PNPLA2: variants seen among roughly 807,000 people sequenced by gnomAD.
PNPLA2 encodes patatin like domain 2, triacylglycerol lipase.
Under a neutral mutation model 39.7 loss-of-function variants are expected in PNPLA2, and 28 were observed. That is an observed-to-expected ratio of 0.70 (90% confidence interval 0.52 to 0.97). PNPLA2 has a LOEUF of 0.97. Among genes scored for constraint, PNPLA2 ranks in the 50% least tolerant of loss-of-function variants. The pLI is 0.00. For missense variants in PNPLA2, 768 were observed against 698.2 expected (o/e 1.10, Z -1.13); for synonymous variants, 392 against 321.1 (o/e 1.22, Z -2.36).
chr11:823,635 C>G, intron 6 of PNPLA2, 48 bp downstream of exon 6: 1 of 1,601,738 alleles, frequency 6.2e-7, no homozygotes, highest in Non-Finnish European at 8.5e-7. Context: ...GGCTCTGCTA[C>G]CCCCTGCGGG....
Position 819,840 on chromosome 11 carries a change from C to T in PNPLA2, c.122C>T (p.Thr41Met). The T allele has an allele frequency of 4.0e-6, 6 of 1,483,714 alleles. No homozygotes were observed. Among genetic ancestry groups the T allele is most frequent in the South Asian group, 1.3e-5 (1 of 78,350 alleles). 91.9% of individuals were successfully genotyped at this position (1,483,714 alleles called of 1,614,324 possible). A position where few individuals can be genotyped will look rare whatever the true frequency, so the allele number is the denominator to read the frequency against. ...GCGCCCTTCCTGGTGGCCAACGCCA[C>T]GCACATCTACGGCGCCTCGGCCGGG... ...EHAPFLVANA[T>M]HIYGASAGAL... is the part of the protein sequence containing the mutation. The change falls in exon 2 of 10, where the codon ACG (threonine) becomes ATG (methionine). Residue 41 changes from threonine (T) to methionine (M), a missense_variant. Thr to Met is a moderately conservative substitution (Grantham distance 81). Transcript: ENST00000336615.
chr11:824,230 C>G lies in PNPLA2; in HGVS notation c.1053-84C>G, dbSNP rs1352607178. On this transcript the variant is annotated intron_variant, in intron 8 of 9. Coordinates refer to ENST00000336615, the MANE Select transcript of PNPLA2 (RefSeq NM_020376.4). ...GGAAGGTGGGGTGGGGTGAGCAGTG[C>G]CAAGTCAGGGCACAGACAGGGCCCG... The G allele has an allele frequency of 2.6e-6, 4 of 1,547,826 alleles. No homozygotes were observed. In the Admixed American group the frequency reaches 7.8e-5, roughly 30 times the overall value.
In PNPLA2 at chr11:823,860, G is replaced by C. The variant is rs766196245; in HGVS notation, c.919+5G>C. Reference sequence around the variant, plus strand: ...TGCCCGCCCGGCTCAATGAGGGTGCGCACCTGGGGGACGGGAGGGGAGGAG... The same window carrying C: ...TGCCCGCCCGGCTCAATGAGGGTGCCCACCTGGGGGACGGGAGGGGAGGAG... On this transcript the variant is annotated splice_donor_5th_base_variant and intron_variant, in intron 7 of 9. Coordinates refer to ENST00000336615, the MANE Select transcript of PNPLA2 (RefSeq NM_020376.4). The C allele has an allele frequency of 2.0e-5, 31 of 1,579,450 alleles. No homozygotes were observed. Among genetic ancestry groups the C allele is most frequent in the Non-Finnish European group, 2.5e-5 (29 of 1,164,206 alleles).
intron 1 of PNPLA2, 156 bp from the exon 2 acceptor site, chr11:819,418 A>G: frequency 3.1e-6 from 3 of 970,604 alleles, no homozygotes; most frequent in Non-Finnish European, 3.7e-6. Flanking sequence ...GCGGCAGCGG[A>G]GGGCGGGGCT....
chr11:820,994 A>C, intron 2 of PNPLA2: 1 of 160,696 alleles, frequency 6.2e-6, no homozygotes, highest in South Asian at 1.6e-4. Flanking sequence ...TGCTGGCTGA[A>C]GAGCCCCTGG....
In PNPLA2 at chr11:823,848, C is replaced by A. The variant is rs886048710; in HGVS notation, c.912C>A (p.Leu304=). Reference sequence around the variant, plus strand: ...TCCTGGAGCACCTGCCCGCCCGGCTCAATGAGGGTGCGCACCTGGGGGACG... The same window carrying A: ...TCCTGGAGCACCTGCCCGCCCGGCTAAATGAGGGTGCGCACCTGGGGGACG... ...DHILEHLPAR[L]NEALLEACVE... is the part of the protein sequence containing the mutation. The change falls in exon 7 of 10, where the codon CTC becomes CTA. Residue 304 remains leucine (L), a synonymous_variant. Transcript: ENST00000336615. The A allele has an allele frequency of 1.3e-6, 2 of 1,586,760 alleles. No homozygotes were observed. The highest frequency in any genetic ancestry group is 1.7e-6 in the Non-Finnish European group (2 of 1,167,644).
rs749881826 is a variant in PNPLA2 at position 822,505 on chromosome 11, TCCA to T, written c.599_601del (p.Thr200del). 6.2e-7 allele frequency: 1 copy of T among 1,614,090 alleles called. No individual in the cohort carries two copies. Among genetic ancestry groups the T allele is most frequent in the Admixed American group, 1.7e-5 (1 of 60,030 alleles). ...GAGTGACATCTGTCCGCAGGACAGC[TCCA>T]CCAACATCCACGAGCTGCGGGTCAC... On this transcript the variant is annotated inframe_deletion, in exon 5 of 10. Coordinates refer to ENST00000336615, the MANE Select transcript of PNPLA2 (RefSeq NM_020376.4).
chr11:821,486 C>T, intron 2 of PNPLA2, 142 bp from the exon 3 acceptor site: 1 of 706,208 alleles, frequency 1.4e-6, no homozygotes, highest in East Asian at 2.7e-5. Flanking sequence ...TGGCCAAAGT[C>T]CCAACTGTGA....
intron 1 of PNPLA2, 89 bp from the exon 2 acceptor site, chr11:819,485 C>T (rs1172418742): frequency 2.5e-5 from 31 of 1,232,716 alleles, no homozygotes; most frequent in Non-Finnish European, 3.1e-5. Context: ...CGGCCGTTCC[C>T]TGCGCGCCCC....
Position 824,864 on chromosome 11 carries a change from A to T in PNPLA2, c.*2A>T, listed in dbSNP as rs1845835463. On this transcript the variant is annotated 3_prime_UTR_variant, in exon 10 of 10. Coordinates refer to ENST00000336615, the MANE Select transcript of PNPLA2 (RefSeq NM_020376.4). The stretch of plus-strand genomic sequence containing the variant: ...GTGATCGGGGCCCTGGGGCTGTGAG[A>T]CCCCGACCCTCTCGAGGAACCCTGC... 1 of 1,532,654 alleles carries T rather than the reference A, an allele frequency of 6.5e-7. No homozygotes were observed. The highest frequency in any genetic ancestry group is 8.7e-7 in the Non-Finnish European group (1 of 1,144,568). The allele number at this position is 1,532,654 out of a possible 1,614,324, so 94.9% of individuals were successfully genotyped here. A position where few individuals can be genotyped will look rare whatever the true frequency, so the allele number is the denominator to read the frequency against.
intron 6 of PNPLA2, 43 bp from the exon 7 acceptor site, chr11:823,651 G>A (rs747195600): frequency 1.6e-5 from 26 of 1,600,962 alleles, no homozygotes; most frequent in Non-Finnish European, 2.1e-5. Flanking sequence ...GCGGGCCGCG[G>A]CCGCGCTGAT....
Position 819,896 on chromosome 11 carries a change from G to A in PNPLA2, c.178G>A (p.Val60Ile), listed in dbSNP as rs1590173934. The A allele has an allele frequency of 7.1e-7, 1 of 1,408,936 alleles. No homozygotes were observed. Among genetic ancestry groups the A allele is most frequent in the Non-Finnish European group, 9.2e-7 (1 of 1,082,682 alleles). The allele number at this position is 1,408,936 out of a possible 1,614,324, so 87.3% of individuals were successfully genotyped here. Residue 60 changes from valine (V) to isoleucine (I), a missense_variant, in exon 2 of 10, where the codon GTC becomes ATC. Val to Ile is a conservative substitution (Grantham distance 29). Coordinates refer to ENST00000336615, the MANE Select transcript of PNPLA2 (RefSeq NM_020376.4). ...ALTATALVTG[V>I]CLGEAGAKFI... is the part of the protein sequence containing the mutation. ...CACGGCCACGGCGCTGGTCACCGGG[G>A]TCTGCCTGGGTGAGCGGGGCCGGGG...
At position 824,784 on chromosome 11, in the gene PNPLA2, C is replaced by T. The variant is rs1845829794; in HGVS notation, c.1437C>T (p.His479=). 2.6e-6 allele frequency: 4 copies of T among 1,537,096 alleles called. No individual in the cohort carries two copies. The African/African-American group carries it at 5.5e-5, about 21-fold the overall frequency. The part of the protein sequence containing the change: ...PAPADPASPQ[H]QLAGPAPLLS... The stretch of plus-strand genomic sequence containing the variant: ...CCGCGGACCCAGCATCCCCGCAGCA[C>T]CAGCTGGCCGGGCCTGCCCCCTTGC... The change falls in exon 10 of 10, where the codon CAC becomes CAT. Residue 479 remains histidine (H), a synonymous_variant. Transcript: ENST00000336615.
chr11:823,065 A>AT (rs1006167656), intron 5 of PNPLA2, among the ~76,000 whole-genome samples: 106 of 139,288 alleles, frequency 7.6e-4, no homozygotes, highest in African/African-American at 2.0e-3. Flanking sequence ...TTATTTTTTT[A>AT]TTTTTTTTTT....
At position 824,370 on chromosome 11, in the gene PNPLA2, C is replaced by T. The variant is rs1365436249; in HGVS notation, c.1109C>T (p.Thr370Met). 4 of 1,551,218 alleles carry T rather than the reference C, an allele frequency of 2.6e-6. No individual in the cohort carries two copies. The highest frequency in any genetic ancestry group is 1.2e-5 in the South Asian group (1 of 84,098). ...PEDIRWMKEQ[T>M]GSICQYLVMR... The stretch of plus-strand genomic sequence containing the variant: ...GACATCCGGTGGATGAAGGAGCAGA[C>T]GGGCAGCATCTGCCAGTACCTGGTG... Residue 370 changes from threonine (T) to methionine (M), a missense_variant, in exon 9 of 10, where the codon ACG (threonine) becomes ATG (methionine). Transcript: ENST00000336615.
Position 819,678 on chromosome 11 carries a change from T to G in PNPLA2, c.-41T>G. The G allele has an allele frequency of 6.8e-7, 1 of 1,464,372 alleles. No homozygotes were observed. The highest frequency in any genetic ancestry group is 9.0e-7 in the Non-Finnish European group (1 of 1,107,796). 90.7% of individuals were successfully genotyped at this position (1,464,372 alleles called of 1,614,324 possible). A position where few individuals can be genotyped will look rare whatever the true frequency, so the allele number is the denominator to read the frequency against. Reference sequence around the variant, plus strand: ...GGCGAGCAGGCGGCTCACAGAGGCCTGGCCGCCCACGGAACCCGGGGCCCG... The same window carrying G: ...GGCGAGCAGGCGGCTCACAGAGGCCGGGCCGCCCACGGAACCCGGGGCCCG... On this transcript the variant is annotated 5_prime_UTR_variant, in exon 2 of 10. Transcript: ENST00000336615.
chr11:824,877 C>A lies in PNPLA2; in HGVS notation c.*15C>A. 1.3e-6 allele frequency: 2 copies of A among 1,526,398 alleles called. No homozygotes were observed. The highest frequency in any genetic ancestry group is 1.8e-6 in the Non-Finnish European group (2 of 1,138,598). 94.6% of individuals were successfully genotyped at this position (1,526,398 alleles called of 1,614,324 possible). ...TGGGGCTGTGAGACCCCGACCCTCTCGAGGAACCCTGCCTGAGACGCCTCC... is the reference window on the plus strand; with the variant it reads ...TGGGGCTGTGAGACCCCGACCCTCTAGAGGAACCCTGCCTGAGACGCCTCC... On this transcript the variant is annotated 3_prime_UTR_variant, in exon 10 of 10. Transcript: ENST00000336615.
In PNPLA2 at chr11:819,556, T is replaced by C. The variant is rs1360532380; in HGVS notation, c.-145-18T>C. ...GAGTCCCACACTTAAAAGCGCCGCC[T>C]CCGCGCCGCCCGCGTAGCTTCTTCG... On this transcript the variant is annotated intron_variant, in intron 1 of 9. Transcript: ENST00000336615. 3.1e-6 allele frequency: 4 copies of C among 1,292,414 alleles called. No homozygotes were observed. Among genetic ancestry groups the C allele is most frequent in the Non-Finnish European group, 3.9e-6 (4 of 1,019,204 alleles). The allele number at this position is 1,292,414 out of a possible 1,614,324, so 80.1% of individuals were successfully genotyped here. A position where few individuals can be genotyped will look rare whatever the true frequency, so the allele number is the denominator to read the frequency against.
chr11:824,774 C>G lies in PNPLA2; in HGVS notation c.1427C>G (p.Ser476Cys). 6.5e-7 allele frequency: 1 copy of G among 1,542,402 alleles called. No homozygotes were observed. The highest frequency in any genetic ancestry group is 1.2e-5 in the South Asian group (1 of 84,850). The change falls in exon 10 of 10, where the codon TCC (serine) becomes TGC (cysteine). Residue 476 changes from serine (S) to cysteine (C), a missense_variant. Physicochemically the swap from Ser to Cys is moderately radical, Grantham distance 112. Transcript: ENST00000336615. ...DPAPAPADPASPQHQLAGPAP... is the reference protein window; with the variant it reads ...DPAPAPADPACPQHQLAGPAP... Reference sequence around the variant, plus strand: ...GCTCCCGCCCCCGCGGACCCAGCATCCCCGCAGCACCAGCTGGCCGGGCCT... The same window carrying G: ...GCTCCCGCCCCCGCGGACCCAGCATGCCCGCAGCACCAGCTGGCCGGGCCT...
Sources: allele counts gnomAD v4.1 joint callset (sites outside exome capture counted in the v4.1 genomes callset), GRCh38; gene constraint gnomAD v4.1.1; transcripts MANE v1.5; gene names NCBI Gene and HGNC (gene_info 2026-07-23, HGNC 2026-07-21).